Variants in MAP3K19 observed in about 807,000 individuals in gnomAD.
MAP3K19 encodes mitogen-activated protein kinase kinase kinase 19.
In MAP3K19, 91 loss-of-function variants were observed where a neutral mutation model predicts 114.4. The ratio of observed to expected loss-of-function variants is 0.80; its 90% CI spans 0.67 to 0.95. The LOEUF (loss-of-function observed/expected upper bound fraction) is 0.95, where lower values mean the gene tolerates loss of function less well. MAP3K19 is among the 40% of genes least tolerant of loss of function. The pLI, the probability that MAP3K19 is intolerant of heterozygous loss-of-function variation, is 0.00. For missense variants in MAP3K19, 1,471 were observed against 1,573.2 expected (o/e 0.94, Z 1.10); for synonymous variants, 518 against 530.5 (o/e 0.98, Z 0.32).
chr2:134,980,401 T>C (rs1393223957), intron 12 of MAP3K19, among the ~76,000 whole-genome samples: 2 of 148,992 alleles, frequency 1.3e-5, no homozygotes, highest in African/African-American at 5.0e-5. Context: ...CACCAAATAC[T>C]CCCCCACTTG....
At chr2:134,978,971 T>C (rs1308483924) in intron 12 of MAP3K19, among the ~76,000 whole-genome samples, 1 of 152,324 alleles carries the variant, frequency 6.6e-6, no homozygotes, top group African/African-American at 2.4e-5. Context: ...GATCTGTCAA[T>C]AGGAGTACCC....
At chr2:134,967,902 C>T (rs1373357444) in intron 12 of MAP3K19, among the ~76,000 whole-genome samples, 9 of 148,812 alleles carry the variant, frequency 6.0e-5, no homozygotes, top group African/African-American at 2.2e-4. Flanking sequence ...GGGTGTTTCT[C>T]GCAGAGGGGG....
intron 2 of MAP3K19, among the ~76,000 whole-genome samples, chr2:135,033,397 G>T (rs562960994): frequency 2.6e-5 from 3 of 113,760 alleles, no homozygotes; most frequent in Non-Finnish European, 5.0e-5. Context: ...CCTCCCGGAC[G>T]GGGCGGCTGG....
chr2:135,021,027 A>G (rs1487613793), intron 5 of MAP3K19, among the ~76,000 whole-genome samples: 1 of 152,220 alleles, frequency 6.6e-6, no homozygotes, highest in Non-Finnish European at 1.5e-5. Context: ...AGGAAGGTAC[A>G]TTTGATTATT....
intron 12 of MAP3K19, among the ~76,000 whole-genome samples, chr2:134,970,699 G>T (rs929024813): frequency 2.6e-5 from 4 of 150,962 alleles, no homozygotes; most frequent in Non-Finnish European, 5.9e-5. Flanking sequence ...CCGGGTTCAT[G>T]CCATTCTCCT....
At chr2:134,971,769 T>C (rs1458349344) in intron 12 of MAP3K19, among the ~76,000 whole-genome samples, 5 of 152,160 alleles carry the variant, frequency 3.3e-5, no homozygotes, top group African/African-American at 1.2e-4. Context: ...ATGTCTCCTT[T>C]TTTGTTTCTG....
chr2:135,034,725 T>C (rs1574055821), intron 2 of MAP3K19, among the ~76,000 whole-genome samples: 1 of 138,752 alleles, frequency 7.2e-6, no homozygotes, highest in African/African-American at 2.8e-5. Flanking sequence ...GGCAGGGAGG[T>C]TGCAGTGAGC....
At chr2:135,044,376 A>C (rs896329021) in intron 1 of MAP3K19, among the ~76,000 whole-genome samples, 2 of 152,206 alleles carry the variant, frequency 1.3e-5, no homozygotes, top group African/African-American at 4.8e-5. Flanking sequence ...GGATCACCCG[A>C]GGTCAGGAGT....
chr2:135,014,107 C>G (rs1687419949), intron 5 of MAP3K19, among the ~76,000 whole-genome samples: 1 of 152,150 alleles, frequency 6.6e-6, no homozygotes, highest in African/African-American at 2.4e-5. Context: ...AATCCCAGCA[C>G]TTTGGGAATC....
chr2:134,995,050 G>A (rs919922234), intron 8 of MAP3K19, among the ~76,000 whole-genome samples: 1 of 152,178 alleles, frequency 6.6e-6, no homozygotes, highest in African/African-American at 2.4e-5. Flanking sequence ...GGTGGCTCAA[G>A]CCTGTAATCC....
chr2:135,027,398 AAAG>A (rs1688283513), intron 3 of MAP3K19, among the ~76,000 whole-genome samples: 1 of 151,792 alleles, frequency 6.6e-6, no homozygotes, highest in Non-Finnish European at 1.5e-5. Flanking sequence ...GAAAGAAAGA[AAAG>A]AAAGAAAGAA....
chr2:135,031,463 G>A (rs951894110), intron 2 of MAP3K19, among the ~76,000 whole-genome samples: 1 of 152,192 alleles, frequency 6.6e-6, no homozygotes, highest in African/African-American at 2.4e-5. Flanking sequence ...AATAAGAAAA[G>A]GAAGAGAAGG....
At chr2:135,004,870 G>A in intron 6 of MAP3K19, among the ~76,000 whole-genome samples, 1 of 152,172 alleles carries the variant, frequency 6.6e-6, no homozygotes. Context: ...ATGGAGACAC[G>A]TGTGGTTCCG....
chr2:135,042,371 G>A (rs928243020), intron 1 of MAP3K19, among the ~76,000 whole-genome samples: 8 of 151,462 alleles, frequency 5.3e-5, no homozygotes, highest in African/African-American at 1.2e-4. Context: ...GCATGGTGGC[G>A]GGCGCCTGTA....
chr2:134,972,672 A>G (rs1451185278), intron 12 of MAP3K19, among the ~76,000 whole-genome samples: 1 of 151,990 alleles, frequency 6.6e-6, no homozygotes, highest in Non-Finnish European at 1.5e-5. Flanking sequence ...CTTGGCTTCA[A>G]GTGATCCTCC....
chr2:134,994,848 C>T (rs998955780), intron 8 of MAP3K19, among the ~76,000 whole-genome samples: 4 of 152,134 alleles, frequency 2.6e-5, no homozygotes, highest in African/African-American at 9.7e-5. Flanking sequence ...TGTGATTCAA[C>T]TGATATGTGA....
chr2:135,022,013 T>C (rs1688014973), intron 4 of MAP3K19, among the ~76,000 whole-genome samples, 183 bp from the exon 5 acceptor site: 1 of 151,472 alleles, frequency 6.6e-6, no homozygotes. Flanking sequence ...AAGACAAGAG[T>C]CCACGGAGTG....
chr2:134,968,996 G>A (rs1046242551), intron 12 of MAP3K19, among the ~76,000 whole-genome samples: 1 of 152,202 alleles, frequency 6.6e-6, no homozygotes, highest in Non-Finnish European at 1.5e-5. Context: ...GGCCAAGGCA[G>A]GCTGCTGGGA....
intron 12 of MAP3K19, 123 bp from the exon 13 acceptor site, chr2:134,965,039 T>G (rs1313996994): frequency 1.4e-6 from 1 of 694,408 alleles, no homozygotes; most frequent in Non-Finnish European, 2.5e-6. Flanking sequence ...CAGACTTGGG[T>G]TGAGTCCAGT....
Sources: gnomAD v4.1 joint callset for allele counts (sites outside exome capture counted in the v4.1 genomes callset) on GRCh38, gnomAD v4.1.1 for gene constraint, MANE v1.5 for transcripts, NCBI Gene and HGNC (gene_info 2026-07-23, HGNC 2026-07-21) for gene names.